The following STK10 variants were observed in gnomAD, a reference collection of about 807,000 sequenced individuals.
STK10 encodes serine/threonine kinase 10, also known as serine/threonine-protein kinase 10.
STK10 carries 78 observed loss-of-function variants against 113.8 expected under a neutral mutation model. That is an observed-to-expected ratio of 0.69 (90% CI 0.57 to 0.83). The LOEUF is 0.83. STK10 is among the 40% of genes least tolerant of loss of function. The pLI is 0.00. For synonymous variants in STK10, 465 were observed against 494.7 expected (o/e 0.94, Z 0.80); for missense variants, 1,109 against 1,280.1 (o/e 0.87, Z 2.04).
At chr5:172,057,042 A>AAAGAAAAG (rs1767819383) in intron 15 of STK10, 2 of 201,918 alleles carry the variant, frequency 9.9e-6, no homozygotes, top group Admixed American at 6.0e-5. Context: ...AGAAAGAAAG[A>AAAGAAAAG]AAGAAAGAAA....
chr5:172,155,920 G>A (rs545074521), intron 2 of STK10, among the ~76,000 whole-genome samples: 3 of 151,978 alleles, frequency 2.0e-5, no homozygotes, highest in Admixed American at 6.5e-5. Flanking sequence ...GCTTGAAGCC[G>A]GGAGGCGGAG....
intron 12 of STK10, among the ~76,000 whole-genome samples, chr5:172,076,835 G>T (rs530704239): frequency 1.3e-5 from 2 of 152,252 alleles, no homozygotes; most frequent in African/African-American, 4.8e-5. Context: ...CAATTTAAAG[G>T]CCTCACGAGC....
chr5:172,108,293 C>A (rs558282592), intron 4 of STK10: 92 of 153,912 alleles, frequency 6.0e-4, no homozygotes, highest in Non-Finnish European at 9.8e-4. Flanking sequence ...GGCTATCAGG[C>A]AGTGATTTTA....
rs570837270 is a variant in STK10, at chr5:172,064,946, G to A, written c.1990-134C>T. The A allele has an allele frequency of 1.2e-3, 1,037 of 899,518 alleles. 7 individuals are homozygous for A. In the African/African-American group the frequency reaches 0.016, roughly 14 times the overall value. The allele number at this position is 899,518 out of a possible 1,614,324, so 55.7% of individuals were successfully genotyped here. A position where few individuals can be genotyped will look rare whatever the true frequency, so the allele number is the denominator to read the frequency against. ...AGCTTTGCAGCGGCCAGCACCCTAC[G>A]CGGCTCCCCACCAAGCCCCTCTGAG... On this transcript the variant is annotated intron_variant, in intron 12 of 18. Transcript: ENST00000176763.
At chr5:172,078,579 A>G (rs1259150089) in intron 12 of STK10, among the ~76,000 whole-genome samples, 1 of 140,728 alleles carries the variant, frequency 7.1e-6, no homozygotes, top group Non-Finnish European at 1.5e-5. Context: ...TCAAGGCTGC[A>G]GTGACCCGTG....
chr5:172,107,339 T>C (rs1769137168), intron 5 of STK10, among the ~76,000 whole-genome samples: 2 of 152,118 alleles, frequency 1.3e-5, no homozygotes, highest in South Asian at 2.1e-4. Flanking sequence ...TTTAAAGTAA[T>C]AGTTCTGGAA....
chr5:172,165,940 T>C (rs1407732364), intron 1 of STK10, among the ~76,000 whole-genome samples: 3 of 152,132 alleles, frequency 2.0e-5, no homozygotes, highest in African/African-American at 4.8e-5. Context: ...ATTACAGGCA[T>C]GCGCCACCAC....
intron 7 of STK10, among the ~76,000 whole-genome samples, chr5:172,100,593 C>T (rs2113756352): frequency 6.6e-6 from 1 of 152,164 alleles, no homozygotes; most frequent in African/African-American, 2.4e-5. Context: ...TCGAGACCAC[C>T]CTGGCCAACA....
intron 7 of STK10, among the ~76,000 whole-genome samples, chr5:172,097,974 G>A (rs141998065): frequency 4.9e-4 from 75 of 152,266 alleles, no homozygotes; most frequent in African/African-American, 8.7e-4. Flanking sequence ...AACCCACCAC[G>A]CTCACCGAAG....
intron 10 of STK10, among the ~76,000 whole-genome samples, chr5:172,087,473 C>T (rs959792657): frequency 2.6e-4 from 40 of 151,872 alleles, no homozygotes; most frequent in African/African-American, 9.7e-4. Flanking sequence ...CCAGGTTTTG[C>T]CATGTTGGCC....
rs1378061568 is a variant in STK10 at position 172,069,163 on chromosome 5, A to G, written c.1990-4351T>C. Among the ~76,000 whole-genome samples, 3 of 152,186 alleles carry G rather than the reference A, an allele frequency of 2.0e-5. No homozygotes were observed. In the East Asian group the frequency reaches 5.8e-4, roughly 29 times the overall value. ...GTAGAAAAACAGGGAAGAGAGGAAC[A>G]AAAACCAAAGGAGACAAAACAGGTA... On this transcript the variant is annotated intron_variant, in intron 12 of 18. Coordinates refer to ENST00000176763, the MANE Select transcript of STK10 (RefSeq NM_005990.4).
intron 7 of STK10, among the ~76,000 whole-genome samples, chr5:172,102,931 G>T (rs1211271593): frequency 6.6e-6 from 1 of 151,914 alleles, no homozygotes; most frequent in East Asian, 1.9e-4. Flanking sequence ...TGGGTGGGGG[G>T]GGCGGGGCAT....
In STK10 at chr5:172,057,470, C is replaced by T. The variant is rs568139408; in HGVS notation, c.2216G>A (p.Arg739Gln). The change falls in exon 15 of 19, where the codon CGG becomes CAG. Residue 739 changes from arginine (R) to glutamine (Q), a missense_variant. Arg to Gln is a conservative substitution (Grantham distance 43, BLOSUM62 1). Transcript: ENST00000176763. ...LMKKQELLRD[R>Q]EAALWEMEEH... ...TTCCATCTCCCACAGGGCTGCTTCC[C>T]GGTCTGCAGAGGACATGCCACCGAG... 66 of 1,549,864 alleles carry T rather than the reference C, an allele frequency of 4.3e-5. No homozygotes were observed. Among genetic ancestry groups the T allele is most frequent in the African/African-American group, 1.2e-4 (9 of 73,010 alleles).
At chr5:172,089,406 A>ATGGG (rs1768638040) in intron 10 of STK10, among the ~76,000 whole-genome samples, 1 of 145,668 alleles carries the variant, frequency 6.9e-6, no homozygotes, top group Non-Finnish European at 1.5e-5. Context: ...GGATGGATGG[A>ATGGG]TGGATGGATG....
intron 18 of STK10, among the ~76,000 whole-genome samples, chr5:172,051,723 G>A (rs927490581): frequency 6.6e-6 from 1 of 152,158 alleles, no homozygotes; most frequent in African/African-American, 2.4e-5. Flanking sequence ...GTGGGCCTAG[G>A]AGGACAAGGC....
At chr5:172,071,654 T>C (rs1402439481) in intron 12 of STK10, among the ~76,000 whole-genome samples, 1 of 151,952 alleles carries the variant, frequency 6.6e-6, no homozygotes, top group African/African-American at 2.4e-5. Flanking sequence ...ACCCAGAACA[T>C]GCTTCCTGGC....
In STK10 at chr5:172,146,243, G is replaced by A. The variant is rs116676677; in HGVS notation, c.321+10381C>T. ...TCCCCGGGGAAGCATGTGTTGGTGAGTGAATGAATGACTGAGTGAATCATT... is the reference window on the plus strand; with the variant it reads ...TCCCCGGGGAAGCATGTGTTGGTGAATGAATGAATGACTGAGTGAATCATT... On this transcript the variant is annotated intron_variant, in intron 2 of 18. Transcript: ENST00000176763. Among the ~76,000 whole-genome samples, 727 of 152,324 alleles carry A rather than the reference G, an allele frequency of 4.8e-3. 7 individuals carry two copies. Among genetic ancestry groups the A allele is most frequent in the African/African-American group, 0.016 (674 of 41,560 alleles).
chr5:172,132,288 G>C, intron 2 of STK10, among the ~76,000 whole-genome samples: 1 of 152,142 alleles, frequency 6.6e-6, no homozygotes, highest in Non-Finnish European at 1.5e-5. Flanking sequence ...CAATAAATAT[G>C]TATTATCAAA....
chr5:172,128,684 A>T (rs1212201780), intron 2 of STK10, among the ~76,000 whole-genome samples: 8 of 152,226 alleles, frequency 5.3e-5, no homozygotes, highest in Admixed American at 5.2e-4. Context: ...ATGGCGTCAC[A>T]AACTTCAGGA....
Sources: allele counts gnomAD v4.1 joint callset (sites outside exome capture counted in the v4.1 genomes callset), GRCh38; gene constraint gnomAD v4.1.1; transcripts MANE v1.5; gene names NCBI Gene and HGNC (gene_info 2026-07-23, HGNC 2026-07-21).